Variants in BMP6 observed in about 807,000 individuals in gnomAD.
BMP6 encodes VG-1-R.
Under a neutral mutation model 54.1 loss-of-function variants are expected in BMP6, and 17 were observed. That is an observed-to-expected ratio of 0.31 (90% CI 0.22 to 0.47). BMP6 has a LOEUF of 0.47. BMP6 is among the 20% of genes least tolerant of loss of function. The probability of loss-of-function intolerance (pLI) is 1.00; values close to 1 mark genes in which losing one functional copy is unlikely to be tolerated. For missense variants in BMP6, 720 were observed against 690.4 expected, an observed-to-expected ratio of 1.04 and a Z score of -0.48; for synonymous variants, 328 against 291.2, an observed-to-expected ratio of 1.13 and a Z score of -1.28.
At position 7,835,887 on chromosome 6, in the gene BMP6, A is replaced by C. The variant is rs550636534; in HGVS notation, c.665-9253A>C. Among the ~76,000 whole-genome samples, 244 of 151,510 alleles carry C rather than the reference A, an allele frequency of 1.6e-3. No individual in the cohort carries two copies. The Middle Eastern group carries it at 0.02, about 13-fold the overall frequency. On this transcript the variant is annotated intron_variant, in intron 1 of 6. Coordinates refer to ENST00000283147, the MANE Select transcript of BMP6 (RefSeq NM_001718.6). Reference sequence around the variant, plus strand: ...AGTCTTGCTCTGTCACCCAGGCTGGAGTGCAGTGGCGTGATCTCGGCTCCC... The same window carrying C: ...AGTCTTGCTCTGTCACCCAGGCTGGCGTGCAGTGGCGTGATCTCGGCTCCC...
intron 1 of BMP6, among the ~76,000 whole-genome samples, chr6:7,806,275 A>G (rs949524860): frequency 6.6e-6 from 1 of 152,198 alleles, no homozygotes; most frequent in African/African-American, 2.4e-5. Flanking sequence ...AACCTGATGA[A>G]ATTGATTTCT....
intron 4 of BMP6, among the ~76,000 whole-genome samples, chr6:7,874,243 A>G (rs776225740): frequency 6.6e-6 from 1 of 152,222 alleles, no homozygotes; most frequent in Non-Finnish European, 1.5e-5. Context: ...AGCTAACTGC[A>G]GTGGGAAATG....
rs1318742762 is a variant in BMP6, at chr6:7,879,080, A to G, written c.1211A>G (p.Asn404Ser). Residue 404 changes from asparagine to serine, a missense_variant, in exon 5 of 7, where the codon AAC becomes AGC. Physicochemically the swap from Asn to Ser is conservative, Grantham distance 46. This residue lies in a region of BMP6 where 650 missense variants were observed against 556.3 expected (regional missense o/e 1.17). Transcript: ENST00000283147. ...TTTTGATCTCCTCCAACAGATTACA[A>G]CAGCAGTGAATTGAAAACAGCCTGC... ...VARVSSASDY[N>S]SSELKTACRK... 5 of 1,613,978 alleles carry G rather than the reference A, an allele frequency of 3.1e-6. No homozygotes were observed. The highest frequency in any genetic ancestry group is 1.6e-4 in the Middle Eastern group (1 of 6,084).
intron 1 of BMP6, among the ~76,000 whole-genome samples, chr6:7,829,376 G>C (rs1442496313): frequency 6.6e-6 from 1 of 152,048 alleles, no homozygotes; most frequent in Admixed American, 6.5e-5. Context: ...GAAAAACCTT[G>C]ATGGTAGGGA....
chr6:7,851,702 T>C (rs969390788), intron 2 of BMP6, among the ~76,000 whole-genome samples: 1 of 152,166 alleles, frequency 6.6e-6, no homozygotes, highest in Non-Finnish European at 1.5e-5. Context: ...GCTCTAAATA[T>C]TTTTGTAGAT....
At chr6:7,779,284 T>C (rs1476530002) in intron 1 of BMP6, among the ~76,000 whole-genome samples, 1 of 152,180 alleles carries the variant, frequency 6.6e-6, no homozygotes, top group Non-Finnish European at 1.5e-5. Flanking sequence ...ACTCTACACC[T>C]GGGTGGATTT....
chr6:7,859,174 T>C (rs1451740524), intron 2 of BMP6, among the ~76,000 whole-genome samples: 1 of 152,192 alleles, frequency 6.6e-6, no homozygotes, highest in Non-Finnish European at 1.5e-5. Context: ...CTTTCTGCTC[T>C]TCTCTGTTTT....
intron 1 of BMP6, among the ~76,000 whole-genome samples, chr6:7,762,463 C>T (rs1297450384): frequency 3.9e-5 from 6 of 152,132 alleles, no homozygotes; most frequent in Admixed American, 2.6e-4. Flanking sequence ...TAAGGCATGA[C>T]GTGGGGGAAT....
At chr6:7,871,841 C>T (rs534629416) in intron 4 of BMP6, among the ~76,000 whole-genome samples, 1 of 152,310 alleles carries the variant, frequency 6.6e-6, no homozygotes, top group South Asian at 2.1e-4. Context: ...ATTCTGGTGT[C>T]ACAGGCGCAT....
At chr6:7,816,895 G>A (rs554377948) in intron 1 of BMP6, among the ~76,000 whole-genome samples, 92 of 152,180 alleles carry the variant, frequency 6.0e-4, no homozygotes, top group Non-Finnish European at 1.0e-3. Flanking sequence ...TGGCTTATTA[G>A]CTGGTCGTTC....
chr6:7,727,822 G>T (rs1180072740), intron 1 of BMP6, among the ~76,000 whole-genome samples: 3 of 151,412 alleles, frequency 2.0e-5, no homozygotes, highest in Non-Finnish European at 4.4e-5. Context: ...CGCGGGCAGG[G>T]CTGCGCGCCG....
At chr6:7,791,917 C>T (rs1414823031) in intron 1 of BMP6, among the ~76,000 whole-genome samples, 1 of 152,182 alleles carries the variant, frequency 6.6e-6, no homozygotes, top group Admixed American at 6.5e-5. Context: ...GAATCAAAAA[C>T]CCTGTAAGAC....
At chr6:7,806,972 G>T (rs1228108089) in intron 1 of BMP6, among the ~76,000 whole-genome samples, 1 of 152,128 alleles carries the variant, frequency 6.6e-6, no homozygotes, top group Non-Finnish European at 1.5e-5. Context: ...GTTGTCCCTA[G>T]TTTTAATAAC....
chr6:7,766,214 G>A (rs1321709447), intron 1 of BMP6, among the ~76,000 whole-genome samples: 1 of 152,146 alleles, frequency 6.6e-6, no homozygotes, highest in East Asian at 1.9e-4. Flanking sequence ...TTATTTGGCA[G>A]ATGGAAGAAA....
intron 1 of BMP6, among the ~76,000 whole-genome samples, chr6:7,778,924 A>G (rs1757900152): frequency 6.6e-6 from 1 of 152,142 alleles, no homozygotes; most frequent in Non-Finnish European, 1.5e-5. Context: ...TTCGTATCCT[A>G]TTTCTCCAAC....
intron 4 of BMP6, among the ~76,000 whole-genome samples, chr6:7,869,053 C>T (rs1759477344): frequency 6.6e-6 from 1 of 152,270 alleles, no homozygotes; most frequent in Admixed American, 6.5e-5. Context: ...CTGGCTCTGG[C>T]TGCCGTGACT....
At chr6:7,768,958 GCTGTTA>G (rs1757740684) in intron 1 of BMP6, among the ~76,000 whole-genome samples, 2 of 152,084 alleles carry the variant, frequency 1.3e-5, no homozygotes, top group Non-Finnish European at 2.9e-5. Context: ...TTAACCAATT[GCTGTTA>G]CTTCCAGGGC....
chr6:7,872,035 G>A (rs1759534664), intron 4 of BMP6, among the ~76,000 whole-genome samples: 2 of 152,186 alleles, frequency 1.3e-5, no homozygotes, highest in African/African-American at 4.8e-5. Context: ...TCTGTCTTGG[G>A]TCAGCTTCTC....
At chr6:7,825,513 G>A (rs1758681014) in intron 1 of BMP6, among the ~76,000 whole-genome samples, 2 of 152,054 alleles carry the variant, frequency 1.3e-5, no homozygotes, top group Admixed American at 6.6e-5. Flanking sequence ...CTGAGGTCAG[G>A]AATTCGAGAC....
Sources: allele counts gnomAD v4.1 joint callset (sites outside exome capture counted in the v4.1 genomes callset), GRCh38; gene constraint gnomAD v4.1.1; regional missense constraint gnomAD v4.1.1; transcripts MANE v1.5; gene names NCBI Gene and HGNC (gene_info 2026-07-23, HGNC 2026-07-21).